IFTAP: variants seen among roughly 807,000 people sequenced by gnomAD.
The protein encoded by IFTAP is intraflagellar transport associated protein, also known as intraflagellar transport-associated protein.
Under a neutral mutation model 19.4 loss-of-function variants are expected in IFTAP, and 19 were observed. That is an observed-to-expected ratio of 0.98 (90% CI 0.68 to 1.44). The LOEUF (loss-of-function observed/expected upper bound fraction) is 1.44, where lower values mean the gene tolerates loss of function less well. Among genes scored for constraint, IFTAP ranks in the 40% most tolerant of loss-of-function variants. The pLI, the probability that IFTAP is intolerant of heterozygous loss-of-function variation, is 0.00. For missense variants in IFTAP, 240 were observed against 253.6 expected, an observed-to-expected ratio of 0.95 and a Z score of 0.36; for synonymous variants, 85 against 83.5, an observed-to-expected ratio of 1.02 and a Z score of -0.10.
chr11:36,643,812 T>A (rs967979918), intron 4 of IFTAP, among the ~76,000 whole-genome samples: 2 of 152,210 alleles, frequency 1.3e-5, no homozygotes, highest in South Asian at 2.1e-4. Context: ...AAGCTGAAAC[T>A]GGATCCCTTC....
intron 4 of IFTAP, among the ~76,000 whole-genome samples, chr11:36,645,771 T>C (rs962921807): frequency 6.6e-6 from 1 of 152,190 alleles, no homozygotes; most frequent in Non-Finnish European, 1.5e-5. Flanking sequence ...ATTGATTTTA[T>C]ATATGAAAGT....
At chr11:36,626,588 C>G (rs1173379422) in intron 2 of IFTAP, among the ~76,000 whole-genome samples, 3 of 151,214 alleles carry the variant, frequency 2.0e-5, no homozygotes, top group Non-Finnish European at 4.4e-5. Flanking sequence ...AAGTTCCTGA[C>G]AGTGAGATCC....
At chr11:36,631,336 G>T (rs145894866) in intron 2 of IFTAP, among the ~76,000 whole-genome samples, 1 of 151,370 alleles carries the variant, frequency 6.6e-6, no homozygotes, top group South Asian at 2.1e-4. Flanking sequence ...TTTTTAAAGA[G>T]AACGTGATGC....
At chr11:36,605,326 A>G (rs1478659461) in intron 1 of IFTAP, among the ~76,000 whole-genome samples, 1 of 124,922 alleles carries the variant, frequency 8.0e-6, no homozygotes, top group Non-Finnish European at 1.6e-5. Flanking sequence ...TAGTGCTGTT[A>G]AAAAGTACAC....
At chr11:36,638,446 G>T (rs34435837) in intron 4 of IFTAP, among the ~76,000 whole-genome samples, 23,461 of 152,108 alleles carry the variant, frequency 0.15, 2,605 homozygotes, top group African/African-American at 0.31. Context: ...AGAATGATGT[G>T]TGAAGCCTAT....
chr11:36,604,011 C>T (rs1264254176), intron 1 of IFTAP, among the ~76,000 whole-genome samples: 3 of 151,812 alleles, frequency 2.0e-5, no homozygotes, highest in Non-Finnish European at 4.4e-5. Flanking sequence ...TTTGTGCTAT[C>T]TTTGTTTATA....
chr11:36,604,260 G>T (rs1041157010), intron 1 of IFTAP, among the ~76,000 whole-genome samples: 2 of 152,030 alleles, frequency 1.3e-5, no homozygotes, highest in South Asian at 4.1e-4. Flanking sequence ...TATACCTAGG[G>T]CAATTTAATA....
Position 36,649,104 on chromosome 11 carries a change from T to C in IFTAP, c.498+949T>C, listed in dbSNP as rs113664524. 3.4e-3 allele frequency among the ~76,000 whole-genome samples: 518 copies of C among 152,256 alleles called. 6 individuals are homozygous for C. The highest frequency in any genetic ancestry group is 3.4e-3 in the Middle Eastern group (1 of 294). On this transcript the variant is annotated intron_variant, in intron 5 of 5. Transcript: ENST00000334307. The stretch of plus-strand genomic sequence containing the variant: ...TGTTAAGGGCTCTTTATTATTGCTT[T>C]CTAACAAAATCCTTAGGGTCTTTTT...
chr11:36,650,868 C>T (rs1458574748), intron 5 of IFTAP, among the ~76,000 whole-genome samples: 2 of 152,146 alleles, frequency 1.3e-5, no homozygotes, highest in East Asian at 3.9e-4. Context: ...ATCCATGTCC[C>T]TGCAAAGGAC....
At chr11:36,632,967 A>G (rs1023728847) in intron 2 of IFTAP, among the ~76,000 whole-genome samples, 10 of 151,248 alleles carry the variant, frequency 6.6e-5, no homozygotes, top group Admixed American at 6.6e-4. Flanking sequence ...CCTCAAATTT[A>G]GAAAAAGATG....
chr11:36,632,686 T>C (rs977840350), intron 2 of IFTAP, among the ~76,000 whole-genome samples: 1 of 151,228 alleles, frequency 6.6e-6, no homozygotes, highest in African/African-American at 2.5e-5. Flanking sequence ...CTTACATTTA[T>C]ATAAAGGAGT....
At chr11:36,652,262 C>T (rs1483174160) in intron 5 of IFTAP, among the ~76,000 whole-genome samples, 1 of 152,038 alleles carries the variant, frequency 6.6e-6, no homozygotes, top group Non-Finnish European at 1.5e-5. Context: ...TGAAGAGGTC[C>T]TTCACGTCCC....
intron 5 of IFTAP, among the ~76,000 whole-genome samples, chr11:36,654,143 T>G (rs773800075): frequency 1.4e-4 from 22 of 152,130 alleles, no homozygotes; most frequent in Non-Finnish European, 2.4e-4. Flanking sequence ...ATCCTTGGCT[T>G]CAATTGCCTG....
intron 1 of IFTAP, among the ~76,000 whole-genome samples, chr11:36,606,649 A>G (rs770976396): frequency 3.9e-5 from 6 of 152,224 alleles, no homozygotes; most frequent in African/African-American, 7.2e-5. Flanking sequence ...AGGAATTTCT[A>G]TTAACACTCT....
intron 1 of IFTAP, among the ~76,000 whole-genome samples, chr11:36,599,494 A>C (rs1851420374): frequency 6.6e-6 from 1 of 152,196 alleles, no homozygotes; most frequent in Admixed American, 6.5e-5. Context: ...AATAATAACT[A>C]CCTTATTGTA....
At chr11:36,614,829 A>G (rs1030097576) in intron 2 of IFTAP, among the ~76,000 whole-genome samples, 1 of 149,296 alleles carries the variant, frequency 6.7e-6, no homozygotes, top group Non-Finnish European at 1.5e-5. Context: ...GCCCTTTGTC[A>G]GATGAGTAGA....
At chr11:36,651,965 A>G (rs1458252333) in intron 5 of IFTAP, among the ~76,000 whole-genome samples, 1 of 152,152 alleles carries the variant, frequency 6.6e-6, no homozygotes, top group East Asian at 1.9e-4. Flanking sequence ...GCCTTGTAGT[A>G]TAGTTTGAAG....
chr11:36,649,797 C>G (rs1398543186), intron 5 of IFTAP, among the ~76,000 whole-genome samples: 1 of 152,084 alleles, frequency 6.6e-6, no homozygotes, highest in Non-Finnish European at 1.5e-5. Flanking sequence ...TTTTGAATAT[C>G]TGAAGTAACA....
intron 2 of IFTAP, among the ~76,000 whole-genome samples, chr11:36,627,114 T>C (rs889311850): frequency 6.6e-6 from 1 of 151,242 alleles, no homozygotes; most frequent in Non-Finnish European, 1.5e-5. Flanking sequence ...ATTCCACTGG[T>C]ATGGAATATC....
Sources: allele counts gnomAD v4.1 joint callset (sites outside exome capture counted in the v4.1 genomes callset), GRCh38; gene constraint gnomAD v4.1.1; transcripts MANE v1.5; gene names NCBI Gene and HGNC (gene_info 2026-07-23, HGNC 2026-07-21).